AFF3: variants seen among roughly 807,000 people sequenced by gnomAD.
AFF3 encodes the protein ALF transcription elongation factor 3.
AFF3 carries 32 observed loss-of-function variants against 129.7 expected under a neutral mutation model. The ratio of observed to expected loss-of-function variants is 0.25; its 90% CI spans 0.19 to 0.33. The LOEUF (loss-of-function observed/expected upper bound fraction) is 0.33. Ranked by LOEUF, AFF3 falls within the 10% of genes least tolerant of loss-of-function variation. AFF3 has a pLI of 1.00. For synonymous variants in AFF3, 644 were observed against 635.4 expected, an observed-to-expected ratio of 1.01 and a Z score of -0.20; for missense variants, 1,373 against 1,592.0, an observed-to-expected ratio of 0.86 and a Z score of 2.34.
chr2:99,775,513 C>T (rs1277094798), intron 8 of AFF3, among the ~76,000 whole-genome samples: 3 of 152,194 alleles, frequency 2.0e-5, no homozygotes, highest in African/African-American at 7.2e-5. Context: ...GATGAGAACA[C>T]ATGGACACAT....
intron 7 of AFF3, among the ~76,000 whole-genome samples, chr2:99,878,775 T>C (rs749563434): frequency 3.3e-5 from 5 of 152,174 alleles, no homozygotes; most frequent in Non-Finnish European, 7.4e-5. Flanking sequence ...GCTAGGGGAT[T>C]CCCAATGCCT....
At chr2:99,966,261 A>G (rs1348538832) in intron 7 of AFF3, among the ~76,000 whole-genome samples, 1 of 152,222 alleles carries the variant, frequency 6.6e-6, no homozygotes, top group Admixed American at 6.5e-5. Flanking sequence ...AGATAAAGTA[A>G]AACTTACATG....
chr2:99,887,926 T>A (rs569649860), intron 7 of AFF3, among the ~76,000 whole-genome samples: 1 of 152,002 alleles, frequency 6.6e-6, no homozygotes, highest in Non-Finnish European at 1.5e-5. Context: ...GCCACCCAAC[T>A]CCAAACAGGC....
intron 7 of AFF3, among the ~76,000 whole-genome samples, chr2:99,955,353 A>G (rs1391208261): frequency 6.6e-6 from 1 of 152,218 alleles, no homozygotes; most frequent in Non-Finnish European, 1.5e-5. Context: ...CAGCAATTAA[A>G]TTTATAGAAA....
chr2:99,557,702 G>T (rs1675074189), intron 22 of AFF3, among the ~76,000 whole-genome samples: 1 of 152,124 alleles, frequency 6.6e-6, no homozygotes, highest in Non-Finnish European at 1.5e-5. Flanking sequence ...ACACAGGACG[G>T]TCAATGGGCT....
chr2:99,592,937 C>G (rs1211848104), intron 15 of AFF3, among the ~76,000 whole-genome samples: 11 of 88,432 alleles, frequency 1.2e-4, no homozygotes, highest in African/African-American at 2.9e-4. Flanking sequence ...CTCCCTCCCC[C>G]CCCCCCAAAA....
At chr2:99,580,137 G>GTGTGC in intron 17 of AFF3, among the ~76,000 whole-genome samples, 1 of 152,168 alleles carries the variant, frequency 6.6e-6, no homozygotes, top group East Asian at 1.9e-4. Context: ...ATTCATGAGC[G>GTGTGC]TGTGCAGTTC....
chr2:99,658,588 T>G (rs1038769438), intron 12 of AFF3, among the ~76,000 whole-genome samples: 6 of 152,152 alleles, frequency 3.9e-5, no homozygotes, highest in Non-Finnish European at 7.3e-5. Context: ...TATACTAACA[T>G]TTATTTATAT....
chr2:99,555,128 C>G (rs72817019), intron 22 of AFF3, among the ~76,000 whole-genome samples: 1 of 152,178 alleles, frequency 6.6e-6, no homozygotes, highest in African/African-American at 2.4e-5. Context: ...AAGGGCTTCA[C>G]CCACAGCCTG....
chr2:99,932,634 T>C (rs1674135089), intron 7 of AFF3, among the ~76,000 whole-genome samples: 1 of 152,052 alleles, frequency 6.6e-6, no homozygotes, highest in Non-Finnish European at 1.5e-5. Context: ...CCTTACACAC[T>C]CCATTGCAAT....
intron 7 of AFF3, among the ~76,000 whole-genome samples, chr2:99,856,249 T>C (rs1160676829): frequency 6.6e-6 from 1 of 152,206 alleles, no homozygotes; most frequent in Non-Finnish European, 1.5e-5. Context: ...AAATATACAA[T>C]ACTAATATAA....
chr2:100,086,446 G>GGGA (rs1388699622), intron 4 of AFF3, among the ~76,000 whole-genome samples: 1 of 152,090 alleles, frequency 6.6e-6, no homozygotes, highest in Non-Finnish European at 1.5e-5. Flanking sequence ...ACTTGAACCT[G>GGGA]GGAGGCAGAG....
rs551994728 is a variant in AFF3 at position 99,808,787 on chromosome 2, CCT to C, written c.921+28688_921+28689del. Among the ~76,000 whole-genome samples, 706 of 152,334 alleles carry C rather than the reference CCT, an allele frequency of 4.6e-3. 1 individual carries two copies. The highest frequency in any genetic ancestry group is 0.016 in the African/African-American group (682 of 41,562). On this transcript the variant is annotated intron_variant, in intron 8 of 24. Transcript: ENST00000672756. ...TTATTTTCACATAGAGAAGCAGCCCCCTGCCTTGGCAATGCTATAATGTACTT... is the reference window on the plus strand; with the variant it reads ...TTATTTTCACATAGAGAAGCAGCCCCGCCTTGGCAATGCTATAATGTACTT...
At chr2:99,927,223 T>C (rs1576364047) in intron 7 of AFF3, among the ~76,000 whole-genome samples, 1 of 152,132 alleles carries the variant, frequency 6.6e-6, no homozygotes, top group African/African-American at 2.4e-5. Flanking sequence ...TCAGAAACAA[T>C]CCAGCCACAG....
chr2:99,892,650 G>T (rs753099190), intron 7 of AFF3, among the ~76,000 whole-genome samples: 2 of 152,064 alleles, frequency 1.3e-5, no homozygotes, highest in South Asian at 2.1e-4. Context: ...CCTTCTACTC[G>T]CATTCCCTCC....
chr2:99,582,698 A>T (rs1677688208), intron 17 of AFF3, 100 bp downstream of exon 17: 2 of 1,294,150 alleles, frequency 1.5e-6, no homozygotes, highest in Non-Finnish European at 2.2e-6. Flanking sequence ...TTCTCAAGGG[A>T]CCTCAAGCAT....
At chr2:100,034,076 G>C (rs939739911) in intron 4 of AFF3, among the ~76,000 whole-genome samples, 2 of 152,176 alleles carry the variant, frequency 1.3e-5, no homozygotes, top group Non-Finnish European at 2.9e-5. Context: ...CTTGTTCTAA[G>C]ATTGGTTATC....
intron 8 of AFF3, among the ~76,000 whole-genome samples, chr2:99,760,730 G>GT (rs2105265347): frequency 6.6e-6 from 1 of 152,224 alleles, no homozygotes; most frequent in African/African-American, 2.4e-5. Context: ...GAAGAGAAAT[G>GT]TAATGTTTAA....
chr2:99,805,815 C>CACACAA (rs1553457092), intron 8 of AFF3, among the ~76,000 whole-genome samples: 2 of 122,048 alleles, frequency 1.6e-5, no homozygotes, highest in Non-Finnish European at 3.1e-5. Flanking sequence ...AGGAGTCTTA[C>CACACAA]ACACACACAC....
Sources: allele counts gnomAD v4.1 joint callset (sites outside exome capture counted in the v4.1 genomes callset), GRCh38; gene constraint gnomAD v4.1.1; transcripts MANE v1.5; gene names NCBI Gene and HGNC (gene_info 2026-07-23, HGNC 2026-07-21).